The following RAP1GAP2 variants were observed in gnomAD, a reference collection of about 807,000 sequenced individuals.
The protein encoded by RAP1GAP2 is rap1 GTPase-activating protein 2.
RAP1GAP2 carries 27 observed loss-of-function variants against 95.0 expected under a neutral mutation model. The observed-to-expected ratio is 0.28, with a 90% CI of 0.21 to 0.39. The LOEUF (loss-of-function observed/expected upper bound fraction) is 0.39. RAP1GAP2 is among the 10% of genes least tolerant of loss of function. The probability of loss-of-function intolerance (pLI) is 1.00; values close to 1 mark genes in which losing one functional copy is unlikely to be tolerated. For synonymous variants in RAP1GAP2, 373 were observed against 380.9 expected (o/e 0.98, Z 0.24); for missense variants, 771 against 970.0 (o/e 0.79, Z 2.72).
At chr17:2,795,155 G>A (rs1195246639), upstream of RAP1GAP2, among the ~76,000 whole-genome samples, 1 of 151,832 alleles carries the variant, frequency 6.6e-6, no homozygotes, top group African/African-American at 2.4e-5. Context: ...TGGGATTACA[G>A]GTGTGAGCCG....
chr17:2,901,976 A>G (rs540341584), intron 2 of RAP1GAP2, among the ~76,000 whole-genome samples: 2 of 152,234 alleles, frequency 1.3e-5, no homozygotes, highest in Non-Finnish European at 2.9e-5. Flanking sequence ...CAAGGACCTC[A>G]GATGGCTTAA....
chr17:2,914,156 G>A (rs1177876750), intron 3 of RAP1GAP2, among the ~76,000 whole-genome samples: 1 of 152,132 alleles, frequency 6.6e-6, no homozygotes, highest in African/African-American at 2.4e-5. Context: ...TTACAGGCGA[G>A]AGCCACCATG....
At chr17:2,763,679 C>G (rs1272810241) in intron 1 of RAP1GAP2, among the ~76,000 whole-genome samples, 1 of 151,074 alleles carries the variant, frequency 6.6e-6, no homozygotes, top group African/African-American at 2.4e-5. Flanking sequence ...CTGGGTGACA[C>G]AGAGAGACTC....
chr17:2,988,810 C>T (rs1026845604), intron 11 of RAP1GAP2, among the ~76,000 whole-genome samples: 2 of 152,174 alleles, frequency 1.3e-5, no homozygotes, highest in South Asian at 4.1e-4. Context: ...GCCTGTAATC[C>T]CAGCACTTTG....
At chr17:2,799,794 T>A (rs762862622) in intron 1 of RAP1GAP2, among the ~76,000 whole-genome samples, 1 of 152,124 alleles carries the variant, frequency 6.6e-6, no homozygotes, top group East Asian at 1.9e-4. Flanking sequence ...AGGGGCCTCT[T>A]CTTGCCAGCC....
intron 2 of RAP1GAP2, among the ~76,000 whole-genome samples, chr17:2,868,533 T>C (rs1162984919): frequency 6.6e-6 from 1 of 151,538 alleles, no homozygotes; most frequent in Non-Finnish European, 1.5e-5. Flanking sequence ...TTTTTTTTTT[T>C]TTGAGATGGA....
intron 2 of RAP1GAP2, among the ~76,000 whole-genome samples, chr17:2,844,070 G>C (rs2071479746): frequency 2.6e-5 from 4 of 151,944 alleles, no homozygotes; most frequent in Admixed American, 2.6e-4. Flanking sequence ...GCCCAGGCTG[G>C]AGTGCAGTGG....
chr17:3,025,912 C>T (rs2047095852), intron 19 of RAP1GAP2, 96 bp from the exon 20 acceptor site: 1 of 897,794 alleles, frequency 1.1e-6, no homozygotes, highest in Non-Finnish European at 1.8e-6. Context: ...CCCCACTGCC[C>T]CTCACCGTGC....
In RAP1GAP2 at chr17:3,026,428, A is replaced by T. The variant is rs991380297; in HGVS notation, c.1944A>T (p.Ala648=). 3.9e-6 allele frequency: 6 copies of T among 1,552,354 alleles called. No homozygotes were observed. The Admixed American group carries it at 1.2e-4, about 30-fold the overall frequency. ...GCACCAGCAGCGTCAGCAGCACTGCAGGGGAGGGCGAGGCCATGGAGGAGG... is the reference window on the plus strand; with the variant it reads ...GCACCAGCAGCGTCAGCAGCACTGCTGGGGAGGGCGAGGCCATGGAGGAGG... ...SSSTSSVSST[A]GEGEAMEEGD... Residue 648 remains alanine, a synonymous_variant, in exon 21 of 25, where the codon GCA becomes GCT. Coordinates refer to ENST00000254695, the MANE Select transcript of RAP1GAP2 (RefSeq NM_015085.5).
At chr17:2,890,378 C>G (rs1481929040) in intron 2 of RAP1GAP2, among the ~76,000 whole-genome samples, 1 of 152,170 alleles carries the variant, frequency 6.6e-6, no homozygotes, top group Non-Finnish European at 1.5e-5. Context: ...GCTCCTAATC[C>G]ATTATGTCAC....
chr17:3,006,099 C>T, intron 16 of RAP1GAP2, 58 bp downstream of exon 16: 1 of 1,338,950 alleles, frequency 7.5e-7, no homozygotes, highest in Non-Finnish European at 1.1e-6. Context: ...TGTTAGCCAG[C>T]CTCATCCAGG....
chr17:2,796,923 C>T lies in RAP1GAP2; in HGVS notation c.44+352C>T, dbSNP rs145493327. Reference sequence around the variant, plus strand: ...GGGATTATGTGTAAGTGTGTGTGTGCGCGTTTGAGCCTGTGTGTGCAGGCG... The same window carrying T: ...GGGATTATGTGTAAGTGTGTGTGTGTGCGTTTGAGCCTGTGTGTGCAGGCG... On this transcript the variant is annotated intron_variant, in intron 1 of 24. Transcript: ENST00000254695. The surrounding 1 kb of genome is among the most constrained non-coding windows in gnomAD (Gnocchi z 4.7). Among the ~76,000 whole-genome samples the T allele has an allele frequency of 2.9e-3, 440 of 151,696 alleles. 2 individuals are homozygous for T. The highest frequency in any genetic ancestry group is 0.01 in the African/African-American group (412 of 41,190).
intron 2 of RAP1GAP2, among the ~76,000 whole-genome samples, chr17:2,823,303 G>A (rs914375747): frequency 1.2e-4 from 18 of 152,130 alleles, no homozygotes; most frequent in Admixed American, 3.3e-4. Context: ...CTCCCACCCC[G>A]GGGCCTAAGG....
intron 3 of RAP1GAP2, among the ~76,000 whole-genome samples, chr17:2,924,775 C>T (rs919277157): frequency 6.6e-6 from 1 of 152,154 alleles, no homozygotes; most frequent in African/African-American, 2.4e-5. Flanking sequence ...TGTCCCCTCC[C>T]CAATCCTATT....
chr17:2,912,875 C>T (rs1225279698), intron 3 of RAP1GAP2, among the ~76,000 whole-genome samples: 4 of 152,124 alleles, frequency 2.6e-5, no homozygotes, highest in Admixed American at 6.6e-5. Context: ...AACTAGGAGG[C>T]TTTAAGAACA....
chr17:3,017,460 G>A (rs1289744648), intron 17 of RAP1GAP2, among the ~76,000 whole-genome samples: 1 of 152,208 alleles, frequency 6.6e-6, no homozygotes, highest in Non-Finnish European at 1.5e-5. Context: ...TTGATGCACA[G>A]ATGAGTAAGA....
intron 3 of RAP1GAP2, among the ~76,000 whole-genome samples, chr17:2,913,957 G>A (rs1048138967): frequency 4.6e-5 from 7 of 151,642 alleles, no homozygotes; most frequent in East Asian, 3.9e-4. Flanking sequence ...TGCAGCCTCC[G>A]CCTCCCGGGT....
In RAP1GAP2 at chr17:2,930,497, C is replaced by T. The variant is rs567120178; in HGVS notation, c.165+25129C>T. On this transcript the variant is annotated intron_variant, in intron 3 of 24. Transcript: ENST00000254695. ...CGGAATGGAGGCTTCTGTTACTTGC[C>T]CTGCATTTCCTACTTCGCAGGCTCA... 2.3e-3 allele frequency among the ~76,000 whole-genome samples: 353 copies of T among 152,326 alleles called. 1 individual carries two copies. Among genetic ancestry groups the T allele is most frequent in the South Asian group, 3.5e-3 (17 of 4,822 alleles).
rs905500865 is a variant in RAP1GAP2, at chr17:2,881,982, G to A, written c.81-23302G>A. Among the ~76,000 whole-genome samples the A allele has an allele frequency of 4.7e-5, 7 of 149,898 alleles. No homozygotes were observed. In the East Asian group the frequency reaches 6.0e-4, roughly 13 times the overall value. ...ACTACAGGTGCCTGCCACCACGCCT[G>A]GCTAATTTTTTGTATTTTTAGTAGA... is the stretch of plus-strand genomic sequence containing the variant. On this transcript the variant is annotated intron_variant, in intron 2 of 24. Transcript: ENST00000254695.
Sources: gnomAD v4.1 joint callset for allele counts (sites outside exome capture counted in the v4.1 genomes callset) on GRCh38, gnomAD v4.1.1 for gene constraint, Gnocchi (gnomAD v3.1) non-coding constraint, MANE v1.5 for transcripts, NCBI Gene and HGNC (gene_info 2026-07-23, HGNC 2026-07-21) for gene names.